Variants in C11orf65 observed in about 807,000 individuals in gnomAD.
C11orf65 encodes the protein chromosome 11 open reading frame 65, also known as protein MFI.
A neutral mutation model predicts 35.3 loss-of-function variants in C11orf65; 38 were observed. The ratio of observed to expected loss-of-function variants is 1.08; its 90% CI spans 0.83 to 1.41. The LOEUF (loss-of-function observed/expected upper bound fraction) is 1.41. Ranked by LOEUF, C11orf65 falls within the 40% of genes most tolerant of loss-of-function variation. The pLI, the probability that C11orf65 is intolerant of heterozygous loss-of-function variation, is 0.00. For synonymous variants in C11orf65, 105 were observed against 114.4 expected (o/e 0.92, Z 0.53); for missense variants, 370 against 367.1 (o/e 1.01, Z -0.06).
intron 2 of C11orf65, among the ~76,000 whole-genome samples, chr11:108,359,609 G>C (rs1192085200): frequency 1.3e-5 from 2 of 152,248 alleles, no homozygotes; most frequent in Admixed American, 6.5e-5. Context: ...TCAGACCACA[G>C]TGACATCAAA....
chr11:108,405,307 T>C (rs1394312195), intron 6 of C11orf65, 122 bp downstream of exon 6: 1 of 952,908 alleles, frequency 1.0e-6, no homozygotes, highest in African/African-American at 1.6e-5. Context: ...GTCGTTTGGG[T>C]CAGGGTCTGC....
chr11:108,383,258 C>A, intron 8 of C11orf65, 83 bp from the exon 9 acceptor site: 1 of 1,163,676 alleles, frequency 8.6e-7, no homozygotes, highest in South Asian at 1.6e-5. Context: ...GTGGTCTGTT[C>A]CACATTCCTT....
intron 2 of C11orf65, among the ~76,000 whole-genome samples, chr11:108,348,887 T>C (rs1017716129): frequency 6.6e-6 from 1 of 152,204 alleles, no homozygotes; most frequent in African/African-American, 2.4e-5. Context: ...ATGAAACATA[T>C]GATTTAATAA....
chr11:108,464,146 C>T (rs1159108699), intron 1 of C11orf65, among the ~76,000 whole-genome samples: 3 of 151,950 alleles, frequency 2.0e-5, no homozygotes, highest in African/African-American at 7.3e-5. Flanking sequence ...AGGGTGGGCT[C>T]GAACTGCTGG....
At chr11:108,466,721 T>G (rs546949402) in intron 1 of C11orf65, among the ~76,000 whole-genome samples, 41 of 152,336 alleles carry the variant, frequency 2.7e-4, no homozygotes, top group South Asian at 2.3e-3. Flanking sequence ...TCAATAAAAT[T>G]TTTTATCATA....
chr11:108,448,582 C>T (rs766922579), intron 2 of C11orf65, among the ~76,000 whole-genome samples: 10 of 152,168 alleles, frequency 6.6e-5, no homozygotes, highest in Non-Finnish European at 1.3e-4. Context: ...CAAAATTCAA[C>T]AACCCTTCAT....
chr11:108,342,449 C>T (rs1428820951), intron 2 of C11orf65, among the ~76,000 whole-genome samples: 2 of 152,008 alleles, frequency 1.3e-5, no homozygotes, highest in East Asian at 3.8e-4. Context: ...TTACTTAATA[C>T]TTACAACTAT....
intron 2 of C11orf65, among the ~76,000 whole-genome samples, chr11:108,440,420 G>A (rs1297996039): frequency 1.3e-5 from 2 of 152,172 alleles, no homozygotes; most frequent in East Asian, 3.9e-4. Flanking sequence ...AGAAATGGCT[G>A]GGATGGCTCA....
chr11:108,397,648 G>A (rs912524361), intron 6 of C11orf65, among the ~76,000 whole-genome samples: 1 of 152,100 alleles, frequency 6.6e-6, no homozygotes, highest in Non-Finnish European at 1.5e-5. Context: ...GTTCATTACT[G>A]ATTCTCAGCA....
intron 2 of C11orf65, among the ~76,000 whole-genome samples, chr11:108,438,419 C>T (rs905726203): frequency 3.3e-5 from 5 of 151,562 alleles, no homozygotes; most frequent in South Asian, 2.1e-4. Context: ...GGGCATGTGG[C>T]GCACTCCTGT....
intron 3 of C11orf65, among the ~76,000 whole-genome samples, chr11:108,413,528 GC>G (rs1489617710): frequency 6.6e-6 from 1 of 152,006 alleles, no homozygotes; most frequent in African/African-American, 2.4e-5. Flanking sequence ...TCTTTCTCTT[GC>G]CTGATTGTGC....
At chr11:108,454,564 C>G (rs1372276960) in intron 2 of C11orf65, among the ~76,000 whole-genome samples, 1 of 152,120 alleles carries the variant, frequency 6.6e-6, no homozygotes, top group African/African-American at 2.4e-5. Flanking sequence ...TCCCAAAGTG[C>G]TGGGATTACA....
At chr11:108,359,181 G>T (rs2090405533) in intron 2 of C11orf65, among the ~76,000 whole-genome samples, 1 of 150,918 alleles carries the variant, frequency 6.6e-6, no homozygotes, top group African/African-American at 2.4e-5. Flanking sequence ...AACCAACAAA[G>T]ATCAAAAGAA....
chr11:108,363,767 C>T (rs1184911202), intron 2 of C11orf65, among the ~76,000 whole-genome samples: 1 of 152,148 alleles, frequency 6.6e-6, no homozygotes, highest in Non-Finnish European at 1.5e-5. Flanking sequence ...TTACTTATTC[C>T]AGTTCCTCCT....
At position 108,335,105 on chromosome 11, in the gene C11orf65, T is replaced by C. The variant is rs587782652; in HGVS notation, c.299+115A>G. ...GATGGCAAGGAGAGGAGACAGCTTG[T>C]TAAGGTGAGCCTTCCCTTCTCTGGC... On this transcript the variant is annotated intron_variant, in intron 3 of 3. Coordinates refer to the C11orf65 transcript ENST00000524755. 44 of 1,613,980 alleles carry C rather than the reference T, an allele frequency of 2.7e-5. No homozygotes were observed. The highest frequency in any genetic ancestry group is 3.6e-5 in the Non-Finnish European group (42 of 1,179,980).
At chr11:108,353,376 C>T (rs1226974995) in intron 2 of C11orf65, among the ~76,000 whole-genome samples, 1 of 152,092 alleles carries the variant, frequency 6.6e-6, no homozygotes, top group African/African-American at 2.4e-5. Context: ...CTCTTAACTC[C>T]TGACCTCAGG....
intron 2 of C11orf65, chr11:108,368,341 T>G (rs946758946): frequency 4.9e-6 from 1 of 205,536 alleles, no homozygotes; most frequent in Non-Finnish European, 9.9e-6. Flanking sequence ...TGCAAATGAC[T>G]AAGATAGAAA....
At chr11:108,356,907 CTG>C (rs1565587162) in intron 2 of C11orf65, among the ~76,000 whole-genome samples, 1 of 152,214 alleles carries the variant, frequency 6.6e-6, no homozygotes, top group Non-Finnish European at 1.5e-5. Flanking sequence ...CCTACAATAA[CTG>C]TCACCTTTAA....
chr11:108,384,469 G>A (rs1342313279), intron 8 of C11orf65, among the ~76,000 whole-genome samples: 1 of 152,074 alleles, frequency 6.6e-6, no homozygotes, highest in Non-Finnish European at 1.5e-5. Context: ...CTAGTAACTT[G>A]CCCAAGATCA....
Sources: allele counts gnomAD v4.1 joint callset (sites outside exome capture counted in the v4.1 genomes callset), GRCh38; gene constraint gnomAD v4.1.1; transcripts MANE v1.5; gene names NCBI Gene and HGNC (gene_info 2026-07-23, HGNC 2026-07-21).